FHIT: variants seen among roughly 807,000 people sequenced by gnomAD.
FHIT encodes the protein fragile histidine triad diadenosine triphosphatase, also known as bis(5'-adenosyl)-triphosphatase.
In FHIT, 19 loss-of-function variants were observed where a neutral mutation model predicts 17.9. That is an observed-to-expected ratio of 1.06 (90% CI 0.74 to 1.56). The LOEUF is 1.56. Among genes scored for constraint, FHIT ranks in the 40% most tolerant of loss-of-function variants. FHIT has a pLI of 0.00. For missense variants in FHIT, 248 were observed against 189.2 expected (o/e 1.31, Z -1.82); for synonymous variants, 81 against 69.7 (o/e 1.16, Z -0.81).
intron 8 of FHIT, among the ~76,000 whole-genome samples, chr3:59,911,142 A>G (rs1478399418): frequency 6.6e-6 from 1 of 152,216 alleles, no homozygotes; most frequent in Non-Finnish European, 1.5e-5. Context: ...CATTAATATT[A>G]TTCATAAAAA....
intron 5 of FHIT, among the ~76,000 whole-genome samples, chr3:60,443,995 A>G (rs1427546130): frequency 6.6e-6 from 1 of 152,208 alleles, no homozygotes; most frequent in East Asian, 1.9e-4. Context: ...CAAATTTACA[A>G]GAAAAAAACA....
chr3:60,004,961 G>T (rs1699866244), intron 7 of FHIT, among the ~76,000 whole-genome samples: 1 of 152,130 alleles, frequency 6.6e-6, no homozygotes, highest in African/African-American at 2.4e-5. Flanking sequence ...ATACTCTTAA[G>T]ACCTCCATTT....
At chr3:61,203,705 G>A (rs116205993) in intron 1 of FHIT, among the ~76,000 whole-genome samples, 1 of 152,180 alleles carries the variant, frequency 6.6e-6, no homozygotes, top group South Asian at 2.1e-4. Flanking sequence ...AAACTGAGTG[G>A]TTTATCACAA....
At chr3:59,873,937 T>C (rs1703035960) in intron 8 of FHIT, among the ~76,000 whole-genome samples, 2 of 152,126 alleles carry the variant, frequency 1.3e-5, no homozygotes, top group Non-Finnish European at 2.9e-5. Flanking sequence ...AGCAACAAAT[T>C]AGTATGAAGC....
intron 5 of FHIT, among the ~76,000 whole-genome samples, chr3:60,139,641 C>A (rs1699953080): frequency 6.6e-6 from 1 of 152,012 alleles, no homozygotes; most frequent in African/African-American, 2.4e-5. Context: ...GGTGGGAGGT[C>A]AAGGGAAAGG....
Position 60,057,091 on chromosome 3 carries a change from T to A in FHIT, c.104-42939A>T, listed in dbSNP as rs78464006. On this transcript the variant is annotated intron_variant, in intron 5 of 9. Coordinates refer to ENST00000492590, the MANE Select transcript of FHIT (RefSeq NM_002012.4). ...TTCATTCTTTGTCCTGGGTGGAACT[T>A]CTGGGGGTGGGAGAATGGGTGATAA... 1.8e-4 allele frequency among the ~76,000 whole-genome samples: 27 copies of A among 152,256 alleles called. No individual in the cohort carries two copies. In the East Asian group the frequency reaches 4.8e-3, roughly 27 times the overall value.
chr3:60,567,985 T>C (rs1267661771), intron 4 of FHIT, among the ~76,000 whole-genome samples: 1 of 152,084 alleles, frequency 6.6e-6, no homozygotes, highest in African/African-American at 2.4e-5. Context: ...TGTGGAGAAA[T>C]AGGAACACTT....
intron 2 of FHIT, among the ~76,000 whole-genome samples, chr3:61,168,115 T>C (rs1365582561): frequency 2.0e-5 from 3 of 152,212 alleles, no homozygotes; most frequent in African/African-American, 7.2e-5. Flanking sequence ...TTCAAAAGAA[T>C]TATGTTTCAT....
At chr3:60,922,566 A>C (rs1433107233) in intron 3 of FHIT, among the ~76,000 whole-genome samples, 1 of 152,244 alleles carries the variant, frequency 6.6e-6, no homozygotes, top group Admixed American at 6.5e-5. Context: ...AGTTGAAGTT[A>C]GTGATTTCTT....
At chr3:60,996,269 A>G (rs1013275190) in intron 3 of FHIT, among the ~76,000 whole-genome samples, 3 of 152,212 alleles carry the variant, frequency 2.0e-5, no homozygotes, top group Non-Finnish European at 4.4e-5. Context: ...CAGGTTATCC[A>G]AAGCCCGGAT....
At chr3:60,724,656 T>G (rs552421258) in intron 4 of FHIT, among the ~76,000 whole-genome samples, 62 of 141,220 alleles carry the variant, frequency 4.4e-4, no homozygotes, top group East Asian at 2.2e-3. Context: ...TGTTTTTTTT[T>G]TTTGTTTTTT....
chr3:61,101,772 C>A (rs1282972213), intron 2 of FHIT, among the ~76,000 whole-genome samples: 1 of 152,098 alleles, frequency 6.6e-6, no homozygotes, highest in Non-Finnish European at 1.5e-5. Context: ...TAATTCACAT[C>A]CCTTGTAAGT....
chr3:60,715,901 T>G (rs782642474), intron 4 of FHIT, among the ~76,000 whole-genome samples: 28 of 152,204 alleles, frequency 1.8e-4, no homozygotes, highest in Non-Finnish European at 4.0e-4. Context: ...TGGAAGGATC[T>G]CAGGGATCAC....
chr3:59,959,436 A>G (rs982675237), intron 7 of FHIT, among the ~76,000 whole-genome samples: 6 of 152,240 alleles, frequency 3.9e-5, no homozygotes, highest in African/African-American at 1.4e-4. Context: ...TTTAGCAAGA[A>G]TATTCTGACT....
intron 5 of FHIT, among the ~76,000 whole-genome samples, chr3:60,096,642 C>T (rs1703961956): frequency 2.6e-5 from 4 of 152,178 alleles, no homozygotes; most frequent in South Asian, 4.1e-4. Context: ...TTTCCCTGTA[C>T]CTTCCTTTCT....
intron 4 of FHIT, among the ~76,000 whole-genome samples, chr3:60,739,792 G>C (rs1553713537): frequency 6.6e-6 from 1 of 152,140 alleles, no homozygotes; most frequent in Non-Finnish European, 1.5e-5. Flanking sequence ...CATACACCCA[G>C]ATAGTGCCCC....
chr3:60,289,620 GCATTTGAGA>G (rs1285520959), intron 5 of FHIT, among the ~76,000 whole-genome samples: 1 of 152,136 alleles, frequency 6.6e-6, no homozygotes, highest in Non-Finnish European at 1.5e-5. Context: ...TTTCTGTAAA[GCATTTGAGA>G]TTCCTGTGAA....
At chr3:60,469,407 T>A (rs1357583501) in intron 5 of FHIT, among the ~76,000 whole-genome samples, 1 of 152,194 alleles carries the variant, frequency 6.6e-6, no homozygotes, top group East Asian at 1.9e-4. Flanking sequence ...AGCTCACTAA[T>A]TCTTTGTTTT....
intron 4 of FHIT, among the ~76,000 whole-genome samples, chr3:60,807,367 G>T (rs1479127426): frequency 6.6e-6 from 1 of 150,986 alleles, no homozygotes; most frequent in African/African-American, 2.4e-5. Context: ...GAACCCAGGA[G>T]TTTGAGACTA....
Sources: allele counts gnomAD v4.1 joint callset (sites outside exome capture counted in the v4.1 genomes callset), GRCh38; gene constraint gnomAD v4.1.1; transcripts MANE v1.5; gene names NCBI Gene and HGNC (gene_info 2026-07-23, HGNC 2026-07-21).